Variants in PROM1 observed in about 807,000 individuals in gnomAD.
The protein encoded by PROM1 is prominin 1.
In PROM1, 105 loss-of-function variants were observed where a neutral mutation model predicts 116.9. That is an observed-to-expected ratio of 0.90 (90% CI 0.77 to 1.06). The LOEUF is 1.06. Among genes scored for constraint, PROM1 ranks in the 50% least tolerant of loss-of-function variants. The probability of loss-of-function intolerance (pLI) is 0.00; values close to 1 mark genes in which losing one functional copy is unlikely to be tolerated. For synonymous variants in PROM1, 393 were observed against 387.0 expected (o/e 1.02, Z -0.18); for missense variants, 1,122 against 1,045.2 (o/e 1.07, Z -1.01).
intron 2 of PROM1, among the ~76,000 whole-genome samples, chr4:16,043,031 T>C (rs1020070646): frequency 6.6e-6 from 1 of 152,244 alleles, no homozygotes; most frequent in Non-Finnish European, 1.5e-5. Flanking sequence ...AAAGGGTTTA[T>C]TATCGTTCTT....
At chr4:16,073,510 G>A (rs936200583) in intron 2 of PROM1, among the ~76,000 whole-genome samples, 1 of 152,170 alleles carries the variant, frequency 6.6e-6, no homozygotes, top group Admixed American at 6.5e-5. Context: ...TAGTAACTAG[G>A]TGAAAGAATA....
At chr4:16,012,355 T>G (rs907486581) in intron 11 of PROM1, among the ~76,000 whole-genome samples, 4 of 152,172 alleles carry the variant, frequency 2.6e-5, no homozygotes. Context: ...CACAAAGAAC[T>G]GCTTCCACTG....
intron 2 of PROM1, among the ~76,000 whole-genome samples, chr4:16,066,173 G>T (rs1479727503): frequency 6.6e-6 from 1 of 152,172 alleles, no homozygotes; most frequent in Non-Finnish European, 1.5e-5. Context: ...AAGCTACCTG[G>T]TTTGTGATAA....
At position 16,024,306 on chromosome 4, in the gene PROM1, G is replaced by T. The variant is rs760619673; in HGVS notation, c.683C>A (p.Thr228Lys). The T allele has an allele frequency of 6.2e-7, 1 of 1,613,330 alleles. No homozygotes were observed. The highest frequency in any genetic ancestry group is 8.5e-7 in the Non-Finnish European group (1 of 1,179,444). Residue 228 changes from threonine to lysine, a missense_variant, in exon 7 of 28, where the codon ACA (threonine) becomes AAA (lysine). By Grantham distance (78) the Thr-to-Lys change is moderately conservative (BLOSUM62 -1). Coordinates refer to ENST00000447510, the MANE Select transcript of PROM1 (RefSeq NM_006017.3). Reference sequence around the variant, plus strand: ...TAAATTTTACTCACTGTTCAGATCTGTGAACGCCTTGTCCTTGGTAGTGTT... The same window carrying T: ...TAAATTTTACTCACTGTTCAGATCTTTGAACGCCTTGTCCTTGGTAGTGTT... ...QYNTTKDKAF[T>K]DLNSINSVLG...
At chr4:16,029,825 C>T (rs884718) in intron 5 of PROM1, among the ~76,000 whole-genome samples, 103,741 of 152,060 alleles carry the variant, frequency 0.68, 35,813 homozygotes, top group Middle Eastern at 0.76. Context: ...TTAAAAATCA[C>T]ATGCAAAGAT....
intron 2 of PROM1, among the ~76,000 whole-genome samples, chr4:16,058,711 C>G (rs1257942707): frequency 6.6e-6 from 1 of 150,698 alleles, no homozygotes; most frequent in Non-Finnish European, 1.5e-5. Context: ...CCAAAACTGT[C>G]CTCAGGAGTA....
chr4:16,018,318 C>T lies in PROM1; in HGVS notation c.1002+5G>A, dbSNP rs1196489060. The T allele has an allele frequency of 7.4e-6, 12 of 1,612,190 alleles. No individual in the cohort carries two copies. The highest frequency in any genetic ancestry group is 9.3e-6 in the Non-Finnish European group (11 of 1,179,554). ...CTTGACCATGGCAAGCTCATGCCTG[C>T]TCACCTGCCTCAGTTCAGGGTTGCT... On this transcript the variant is annotated splice_donor_5th_base_variant and intron_variant, in intron 9 of 27. Transcript: ENST00000447510.
At chr4:16,008,127 G>A (rs891596369) in intron 12 of PROM1, among the ~76,000 whole-genome samples, 7 of 152,180 alleles carry the variant, frequency 4.6e-5, no homozygotes, top group Non-Finnish European at 8.8e-5. Context: ...TTTTAATTAC[G>A]TATCCTGTGG....
chr4:15,992,067 A>G (rs1375196629), intron 17 of PROM1, among the ~76,000 whole-genome samples, 181 bp downstream of exon 17: 1 of 152,042 alleles, frequency 6.6e-6, no homozygotes, highest in Admixed American at 6.5e-5. Context: ...TTGGAACTAC[A>G]GGAACTACAG....
intron 5 of PROM1, among the ~76,000 whole-genome samples, chr4:16,029,566 C>A (rs1732167964): frequency 6.6e-6 from 1 of 152,178 alleles, no homozygotes; most frequent in South Asian, 2.1e-4. Flanking sequence ...CATTCCACAG[C>A]TGCCTCTGGG....
intron 26 of PROM1, among the ~76,000 whole-genome samples, chr4:15,972,312 A>T (rs1161423534): frequency 1.3e-5 from 2 of 152,206 alleles, no homozygotes; most frequent in African/African-American, 4.8e-5. Context: ...AAAGAAAAAA[A>T]TATGTTTTTC....
At chr4:15,981,792 A>G (rs988913411) in intron 23 of PROM1, among the ~76,000 whole-genome samples, 2 of 152,284 alleles carry the variant, frequency 1.3e-5, no homozygotes, top group South Asian at 2.1e-4. Flanking sequence ...CTAAAGAGCA[A>G]TGTTAAAGTA....
chr4:15,970,168 CTTTTTTT>C (rs200730261), intron 27 of PROM1, among the ~76,000 whole-genome samples: 4 of 139,436 alleles, frequency 2.9e-5, no homozygotes, highest in African/African-American at 7.9e-5. Context: ...CTTTTCTTTT[CTTTTTTT>C]TTTTTTTTGT....
At chr4:16,079,536 C>T (rs868865389) in intron 1 of PROM1, 4 of 152,016 alleles carry the variant, frequency 2.6e-5, no homozygotes, top group Admixed American at 6.6e-5. Flanking sequence ...TAGGTTGTGC[C>T]AAAAACAGAA....
intron 2 of PROM1, among the ~76,000 whole-genome samples, chr4:16,060,893 T>G (rs1341165065): frequency 6.6e-6 from 1 of 152,230 alleles, no homozygotes; most frequent in Admixed American, 6.5e-5. Context: ...ATTCGATGAT[T>G]CGGATTTAAT....
At chr4:15,987,390 G>C (rs1367375895) in intron 20 of PROM1, among the ~76,000 whole-genome samples, 2 of 152,190 alleles carry the variant, frequency 1.3e-5, no homozygotes, top group East Asian at 3.9e-4. Context: ...TTATCTCTGT[G>C]AAAGGGACCA....
intron 2 of PROM1, among the ~76,000 whole-genome samples, chr4:16,053,308 T>A (rs1291008835): frequency 6.6e-6 from 1 of 152,252 alleles, no homozygotes; most frequent in Non-Finnish European, 1.5e-5. Context: ...TTTCTGTTTT[T>A]CTCTACAATC....
intron 1 of PROM1, among the ~76,000 whole-genome samples, chr4:16,081,182 T>C (rs1169274005): frequency 2.0e-5 from 3 of 152,070 alleles, no homozygotes; most frequent in Non-Finnish European, 4.4e-5. Flanking sequence ...TCATTTACAT[T>C]AGGTATATGT....
At chr4:15,997,950 G>A (rs921438439) in intron 15 of PROM1, among the ~76,000 whole-genome samples, 4 of 152,184 alleles carry the variant, frequency 2.6e-5, no homozygotes, top group South Asian at 2.1e-4. Context: ...GGAGGGGGCC[G>A]GGGTCAGAGC....
Sources: allele counts gnomAD v4.1 joint callset (sites outside exome capture counted in the v4.1 genomes callset), GRCh38; gene constraint gnomAD v4.1.1; transcripts MANE v1.5; gene names NCBI Gene and HGNC (gene_info 2026-07-23, HGNC 2026-07-21).